The following CSNK2A2IP variants were observed in gnomAD, a reference collection of about 807,000 sequenced individuals.
CSNK2A2IP encodes casein kinase II subunit alpha'-interacting protein.
At chr3:88,451,011 G>A in the CSNK2A2IP span, among the ~76,000 whole-genome samples, 4 of 151,908 alleles carry the variant, frequency 2.6e-5, no homozygotes, top group African/African-American at 7.3e-5. Context: ...GCCAACATTT[G>A]TTCAATCTTT....
chr3:88,453,071 T>G, the CSNK2A2IP span, among the ~76,000 whole-genome samples: 1 of 152,130 alleles, frequency 6.6e-6, no homozygotes, highest in Non-Finnish European at 1.5e-5. Context: ...CGGGTACTTA[T>G]GTCAAGCACT....
At chr3:88,398,541 T>C in the CSNK2A2IP span, among the ~76,000 whole-genome samples, 4 of 152,138 alleles carry the variant, frequency 2.6e-5, no homozygotes, top group Admixed American at 6.5e-5. Context: ...TCTTAAATGC[T>C]GTATATACCA....
At chr3:88,429,625 G>T in the CSNK2A2IP span, among the ~76,000 whole-genome samples, 493 of 152,274 alleles carry the variant, frequency 3.2e-3, 2 homozygotes, top group African/African-American at 0.011. Flanking sequence ...GATGGGCCTG[G>T]ATTGCAGCTT....
the CSNK2A2IP span, among the ~76,000 whole-genome samples, chr3:88,432,617 T>C: frequency 6.6e-6 from 1 of 151,664 alleles, no homozygotes; most frequent in Admixed American, 6.6e-5. Context: ...GCTGCAAACT[T>C]TAAATATATA....
the CSNK2A2IP span, among the ~76,000 whole-genome samples, chr3:88,365,431 A>G: frequency 6.6e-6 from 1 of 152,126 alleles, no homozygotes; most frequent in Non-Finnish European, 1.5e-5. Context: ...GTCATATTGA[A>G]TGAGTTTCTT....
chr3:88,447,772 C>G, the CSNK2A2IP span, among the ~76,000 whole-genome samples: 1,040 of 152,018 alleles, frequency 6.8e-3, 14 homozygotes, highest in Admixed American at 0.021. Context: ...CTATGAATAT[C>G]GTCAGAATAC....
chr3:88,381,694 A>T, the CSNK2A2IP span, among the ~76,000 whole-genome samples: 1 of 152,204 alleles, frequency 6.6e-6, no homozygotes, highest in South Asian at 2.1e-4. Context: ...AGATTGAGAA[A>T]AGCAATTTCA....
the CSNK2A2IP span, among the ~76,000 whole-genome samples, chr3:88,398,692 T>G: frequency 6.6e-6 from 1 of 152,162 alleles, no homozygotes; most frequent in Non-Finnish European, 1.5e-5. Context: ...ATTTAACAAT[T>G]ACAAGTTGAA....
chr3:88,433,526 A>T, the CSNK2A2IP span, among the ~76,000 whole-genome samples: 4 of 152,058 alleles, frequency 2.6e-5, no homozygotes, highest in Non-Finnish European at 5.9e-5. Context: ...TTATAATTTA[A>T]CTCCATATGA....
chr3:88,440,094 T>C, the CSNK2A2IP span, among the ~76,000 whole-genome samples: 1 of 152,216 alleles, frequency 6.6e-6, no homozygotes, highest in Non-Finnish European at 1.5e-5. Context: ...ATTTGTGATT[T>C]CTTCTGGCTC....
At chr3:88,414,863 C>T in the CSNK2A2IP span, among the ~76,000 whole-genome samples, 1 of 151,854 alleles carries the variant, frequency 6.6e-6, no homozygotes, top group Non-Finnish European at 1.5e-5. Context: ...GAAAGACGAG[C>T]ATAGAGTCTA....
At chr3:88,376,179 C>A in the CSNK2A2IP span, among the ~76,000 whole-genome samples, 4,341 of 151,678 alleles carry the variant, frequency 0.029, 216 homozygotes, top group African/African-American at 0.098. Flanking sequence ...TTCTATATTT[C>A]TAAATATTGG....
At chr3:88,358,427 G>A in the CSNK2A2IP span, among the ~76,000 whole-genome samples, 1 of 152,088 alleles carries the variant, frequency 6.6e-6, no homozygotes, top group East Asian at 1.9e-4. Context: ...TAAACTAAAG[G>A]CTTTCTGTTG....
the CSNK2A2IP span, among the ~76,000 whole-genome samples, chr3:88,405,296 A>G: frequency 1.3e-5 from 2 of 152,274 alleles, no homozygotes; most frequent in East Asian, 3.9e-4. Flanking sequence ...AACAGGATCT[A>G]TGCTTTGCCC....
the CSNK2A2IP span, among the ~76,000 whole-genome samples, chr3:88,351,389 A>C: frequency 1.3e-5 from 2 of 152,102 alleles, no homozygotes; most frequent in African/African-American, 4.8e-5. Context: ...ACATGGCTTC[A>C]AAGACGATGT....
At chr3:88,449,640 C>A in the CSNK2A2IP span, among the ~76,000 whole-genome samples, 1 of 150,004 alleles carries the variant, frequency 6.7e-6, no homozygotes, top group Non-Finnish European at 1.5e-5. Flanking sequence ...TGCAACCCCC[C>A]ATGTCCTGTG....
the CSNK2A2IP span, chr3:88,465,302 A>G: frequency 9.5e-7 from 1 of 1,057,974 alleles, no homozygotes; most frequent in Non-Finnish European, 1.2e-6. Context: ...ACTAACAGTT[A>G]CTAAATCATC....
At chr3:88,345,007 C>T in the CSNK2A2IP span, among the ~76,000 whole-genome samples, 1 of 151,968 alleles carries the variant, frequency 6.6e-6, no homozygotes, top group Non-Finnish European at 1.5e-5. Context: ...CTGATTAAAG[C>T]ATTTCCTCTG....
the CSNK2A2IP span, among the ~76,000 whole-genome samples, chr3:88,385,918 T>C: frequency 2.0e-5 from 3 of 152,044 alleles, no homozygotes; most frequent in Non-Finnish European, 4.4e-5. Context: ...TAAAAGTCAA[T>C]AGGAAACAGG....
Sources: gnomAD v4.1 joint callset for allele counts (sites outside exome capture counted in the v4.1 genomes callset) on GRCh38, gnomAD v4.1.1 for gene constraint, MANE v1.5 for transcripts, NCBI Gene and HGNC (gene_info 2026-07-23, HGNC 2026-07-21) for gene names.